The following TRHDE variants were observed in gnomAD, a reference collection of about 807,000 sequenced individuals.
TRHDE encodes thyrotropin-releasing hormone-degrading ectoenzyme.
In TRHDE, 72 loss-of-function variants were observed where a neutral mutation model predicts 125.7. The ratio of observed to expected loss-of-function variants is 0.57; its 90% confidence interval spans 0.47 to 0.70. The LOEUF is 0.70. TRHDE is among the 30% of genes least tolerant of loss of function. The pLI is 0.00. For missense variants in TRHDE, 1,110 were observed against 1,327.1 expected (o/e 0.84, Z 2.54); for synonymous variants, 509 against 509.1 (o/e 1.00, Z 0.00).
chr12:72,208,722 T>C (rs150088135), intron 2 of TRHDE, among the ~76,000 whole-genome samples: 3 of 152,338 alleles, frequency 2.0e-5, no homozygotes, highest in Non-Finnish European at 2.9e-5. Context: ...AAGGGCGATA[T>C]ACTTATTGAC....
intron 3 of TRHDE, among the ~76,000 whole-genome samples, chr12:72,440,131 C>G (rs1023552553): frequency 2.0e-5 from 3 of 151,900 alleles, no homozygotes; most frequent in African/African-American, 7.2e-5. Context: ...GGGCAGTGAT[C>G]TTTTTAGTGT....
At chr12:72,190,585 T>G (rs938225869) in intron 2 of TRHDE, among the ~76,000 whole-genome samples, 4 of 152,204 alleles carry the variant, frequency 2.6e-5, no homozygotes, top group Non-Finnish European at 5.9e-5. Flanking sequence ...GGAAGAAATA[T>G]GTGAATAGAC....
chr12:72,449,295 C>T lies in TRHDE; in HGVS notation c.1316-20463C>T, dbSNP rs185250550. On this transcript the variant is annotated intron_variant, in intron 3 of 18. Coordinates refer to ENST00000261180, the MANE Select transcript of TRHDE (RefSeq NM_013381.3). ...AGAGCAAGTTGACACAGAGTCTTGC[C>T]TTTTATACTACAATGCCGTGACAGG... is the stretch of plus-strand genomic sequence containing the variant. 8.5e-5 allele frequency among the ~76,000 whole-genome samples: 13 copies of T among 152,114 alleles called. No individual in the cohort carries two copies. In the East Asian group the frequency reaches 2.1e-3, roughly 25 times the overall value.
At chr12:72,498,264 A>G (rs947037202) in intron 5 of TRHDE, among the ~76,000 whole-genome samples, 6 of 152,332 alleles carry the variant, frequency 3.9e-5, no homozygotes, top group Non-Finnish European at 8.8e-5. Flanking sequence ...ATCTTTCTTT[A>G]AAGCCAGGTT....
At chr12:72,158,780 G>C (rs951604347) in intron 2 of TRHDE, among the ~76,000 whole-genome samples, 1 of 152,038 alleles carries the variant, frequency 6.6e-6, no homozygotes, top group South Asian at 2.1e-4. Context: ...ATTCCTGATG[G>C]CTTATATCTT....
Position 72,663,103 on chromosome 12 carries a change from C to T in TRHDE, c.3118C>T (p.Arg1040Ter), listed in dbSNP as rs780696857. Residue 1040 changes from arginine (R) to a stop codon, truncating the protein, a stop_gained, in exon 19 of 19, where the codon CGA becomes TGA. Coordinates refer to ENST00000261180, the MANE Select transcript of TRHDE (RefSeq NM_013381.3). LOFTEE classifies it high-confidence loss of function. ...YDGVAAASFS[R>*]AVETVEANVR... ...TGGGGTAGCTGCTGCTTCTTTCTCA[C>T]GAGCTGTGGAAACTGTCGAAGCCAA... is the stretch of plus-strand genomic sequence containing the variant. 1.5e-5 allele frequency: 25 copies of T among 1,612,986 alleles called. No individual in the cohort carries two copies. The highest frequency in any genetic ancestry group is 1.9e-5 in the Non-Finnish European group (22 of 1,179,444).
intron 2 of TRHDE, among the ~76,000 whole-genome samples, chr12:72,226,104 G>C (rs1878123123): frequency 6.6e-6 from 1 of 152,236 alleles, no homozygotes; most frequent in African/African-American, 2.4e-5. Context: ...GCATAGGCAT[G>C]ATGAGCATTT....
At chr12:72,635,183 T>C (rs1011114160) in intron 15 of TRHDE, among the ~76,000 whole-genome samples, 1 of 151,934 alleles carries the variant, frequency 6.6e-6, no homozygotes, top group Non-Finnish European at 1.5e-5. Flanking sequence ...GACTTTTTAA[T>C]GATTGCCATT....
rs556708898 is a variant in TRHDE, at chr12:72,394,297, C to G, written c.1315+16176C>G. Among the ~76,000 whole-genome samples the G allele has an allele frequency of 2.6e-5, 4 of 152,176 alleles. No individual in the cohort carries two copies. In the East Asian group the frequency reaches 7.7e-4, roughly 29 times the overall value. On this transcript the variant is annotated intron_variant, in intron 3 of 18. Transcript: ENST00000261180. ...CTTACAACAGGATTTAAAGGAGATCCTTAGGGCAGCAAGTATTTCTGCCAT... is the reference window on the plus strand; with the variant it reads ...CTTACAACAGGATTTAAAGGAGATCGTTAGGGCAGCAAGTATTTCTGCCAT...
At chr12:72,282,546 C>T (rs1879734896) in intron 1 of TRHDE, among the ~76,000 whole-genome samples, 1 of 152,144 alleles carries the variant, frequency 6.6e-6, no homozygotes, top group South Asian at 2.1e-4. Flanking sequence ...GAAACTGGCT[C>T]TCTCTGTTAG....
At chr12:72,172,923 A>T (rs1876904311) in intron 2 of TRHDE, among the ~76,000 whole-genome samples, 2 of 152,192 alleles carry the variant, frequency 1.3e-5, no homozygotes, top group African/African-American at 4.8e-5. Flanking sequence ...GTGTAACAAC[A>T]AATTCCCCCA....
intron 5 of TRHDE, among the ~76,000 whole-genome samples, chr12:72,495,749 A>C (rs1877888218): frequency 6.6e-6 from 1 of 152,160 alleles, no homozygotes; most frequent in Admixed American, 6.6e-5. Flanking sequence ...ATGAATACAT[A>C]AAATAATGGC....
At chr12:72,574,461 A>G (rs1870895305) in intron 10 of TRHDE, among the ~76,000 whole-genome samples, 1 of 152,128 alleles carries the variant, frequency 6.6e-6, no homozygotes, top group Non-Finnish European at 1.5e-5. Flanking sequence ...AATCAACAAC[A>G]TAATTATTAG....
chr12:72,391,121 T>C (rs1219595108), intron 3 of TRHDE, among the ~76,000 whole-genome samples: 1 of 152,198 alleles, frequency 6.6e-6, no homozygotes, highest in East Asian at 1.9e-4. Flanking sequence ...CTTAAACTTA[T>C]GACTTTATCC....
rs1871862626 is a variant in TRHDE at position 72,375,980 on chromosome 12, C to T, written c.1189-2015C>T. On this transcript the variant is annotated intron_variant, in intron 2 of 18. Coordinates refer to ENST00000261180, the MANE Select transcript of TRHDE (RefSeq NM_013381.3). Reference sequence around the variant, plus strand: ...ACGTCTTCTAGCTTCCACTGCTTTGCTCCTAACAGCTCACACAGGACATCT... The same window carrying T: ...ACGTCTTCTAGCTTCCACTGCTTTGTTCCTAACAGCTCACACAGGACATCT... 1.3e-5 allele frequency among the ~76,000 whole-genome samples: 2 copies of T among 152,172 alleles called. 1 individual carries two copies. Among genetic ancestry groups the T allele is most frequent in the South Asian group, 4.1e-4 (2 of 4,828 alleles).
At chr12:72,357,758 C>T (rs576062037) in intron 2 of TRHDE, among the ~76,000 whole-genome samples, 21 of 151,392 alleles carry the variant, frequency 1.4e-4, no homozygotes, top group African/African-American at 2.2e-4. Context: ...TGTGAAATGA[C>T]GGCTATGTTA....
chr12:72,645,034 A>G (rs574599255), intron 15 of TRHDE, among the ~76,000 whole-genome samples: 1 of 152,332 alleles, frequency 6.6e-6, no homozygotes, highest in African/African-American at 2.4e-5. Flanking sequence ...GTACAAGGCC[A>G]GTTTGTGAAT....
At chr12:72,362,883 G>A (rs1383650542) in intron 2 of TRHDE, among the ~76,000 whole-genome samples, 2 of 151,896 alleles carry the variant, frequency 1.3e-5, no homozygotes, top group Non-Finnish European at 2.9e-5. Flanking sequence ...GTAGATACGC[G>A]ACATTATTTC....
In TRHDE at chr12:72,575,245, C is replaced by CT. The variant is rs763050921; in HGVS notation, c.2132-4dup. On this transcript the variant is annotated splice_polypyrimidine_tract_variant and intron_variant, in intron 10 of 18. Coordinates refer to ENST00000261180, the MANE Select transcript of TRHDE (RefSeq NM_013381.3). ...AAGTTTGAAATCTATCCCAAAAATG[C>CT]TTTTTTCAGAGCACCACAGAATAAC... is the stretch of plus-strand genomic sequence containing the variant. The CT allele has an allele frequency of 4.3e-6, 7 of 1,609,468 alleles. No individual in the cohort carries two copies. Among genetic ancestry groups the CT allele is most frequent in the African/African-American group, 2.7e-5 (2 of 74,620 alleles).
Sources: allele counts gnomAD v4.1 joint callset (sites outside exome capture counted in the v4.1 genomes callset), GRCh38; gene constraint gnomAD v4.1.1; transcripts MANE v1.5; gene names NCBI Gene and HGNC (gene_info 2026-07-23, HGNC 2026-07-21).